Variants in CEP44 observed in about 807,000 individuals in gnomAD.
CEP44 encodes centrosomal protein of 44 kDa.
In CEP44, 45 loss-of-function variants were observed where a neutral mutation model predicts 46.7. The observed-to-expected ratio is 0.96, with a 90% CI of 0.76 to 1.24. The LOEUF is 1.24. Among genes scored for constraint, CEP44 ranks in the 50% most tolerant of loss-of-function variants. The pLI, the probability that CEP44 is intolerant of heterozygous loss-of-function variation, is 0.00. For synonymous variants in CEP44, 142 were observed against 146.0 expected, an observed-to-expected ratio of 0.97 and a Z score of 0.20; for missense variants, 475 against 459.7, an observed-to-expected ratio of 1.03 and a Z score of -0.30.
In CEP44 at chr4:174,287,479, G is replaced by A. The variant is rs563934790; in HGVS notation, c.-148+3536G>A. On this transcript the variant is annotated intron_variant, in intron 1 of 11. Coordinates refer to ENST00000503780, the MANE Select transcript of CEP44 (RefSeq NM_001040157.3). This position sits in a 1 kb window ranked among gnomAD's most constrained non-coding sequence, Gnocchi z 5.1. ...TGTATCTCTTCAAGCTTGAAGAAAT[G>A]GCATGTGCAAAGGTGTTGAACAGCT... Among the ~76,000 whole-genome samples the A allele has an allele frequency of 1.3e-3, 192 of 152,218 alleles. No homozygotes were observed. Among genetic ancestry groups the A allele is most frequent in the Admixed American group, 2.4e-3 (36 of 15,292 alleles).
At chr4:174,323,271 T>C (rs1156292895), downstream of CEP44, among the ~76,000 whole-genome samples, 1 of 152,156 alleles carries the variant, frequency 6.6e-6, no homozygotes, top group Non-Finnish European at 1.5e-5. Context: ...CCTGAGAGAT[T>C]GTTGATATTA....
chr4:174,296,670 T>C (rs1739056363), intron 1 of CEP44, among the ~76,000 whole-genome samples: 1 of 152,044 alleles, frequency 6.6e-6, no homozygotes, highest in African/African-American at 2.4e-5. Context: ...CCATGTGAAA[T>C]TGAGAAGAAT....
At chr4:174,285,669 A>G (rs911080811) in intron 1 of CEP44, 1 of 152,236 alleles carries the variant, frequency 6.6e-6, no homozygotes, top group African/African-American at 2.4e-5. Context: ...GTCTGGAAAG[A>G]CATAGAATTT....
intron 6 of CEP44, among the ~76,000 whole-genome samples, chr4:174,308,272 C>T (rs957070135): frequency 1.3e-5 from 2 of 152,134 alleles, no homozygotes; most frequent in Non-Finnish European, 2.9e-5. Context: ...GTGGTACATA[C>T]ACACTATGGA....
At chr4:174,294,363 G>A (rs1228416920) in intron 1 of CEP44, among the ~76,000 whole-genome samples, 8 of 151,990 alleles carry the variant, frequency 5.3e-5, no homozygotes, top group Non-Finnish European at 1.0e-4. Context: ...GTTGGGGGTA[G>A]GGTCACCGAT....
In CEP44 at chr4:174,284,761, A is replaced by G. The variant is rs569022612; in HGVS notation, c.-148+818A>G. ...CTCAGACCTTTCTCCTATCTCTTAG[A>G]GAAGTATTTCCCTAATATCTTTTGC... On this transcript the variant is annotated intron_variant, in intron 1 of 11. Coordinates refer to ENST00000503780, the MANE Select transcript of CEP44 (RefSeq NM_001040157.3). 4.6e-5 allele frequency among the ~76,000 whole-genome samples: 7 copies of G among 152,268 alleles called. No homozygotes were observed. The South Asian group carries it at 1.5e-3, about 32-fold the overall frequency.
downstream of CEP44, among the ~76,000 whole-genome samples, chr4:174,323,873 AAAAC>A (rs1388671289): frequency 4.6e-5 from 7 of 152,146 alleles, no homozygotes; most frequent in East Asian, 1.9e-4. Flanking sequence ...AATTTCCTGA[AAAAC>A]AAGCAACTAT....
At position 174,326,454 on chromosome 4, in the gene CEP44, TCAAA is replaced by T. The variant is rs1742676760; in HGVS notation, c.1087-5025_1087-5022del. 6.6e-6 allele frequency among the ~76,000 whole-genome samples: 1 copy of T among 152,078 alleles called. No homozygotes were observed. The highest frequency in any genetic ancestry group is 2.1e-4 in the South Asian group (1 of 4,838). Reference sequence around the variant, plus strand: ...TCTGCGCCCGCCAAGCCTTTTTTTGTCAAACATTGACTTCTACATATGTTATAAA... The same window carrying T: ...TCTGCGCCCGCCAAGCCTTTTTTTGTCATTGACTTCTACATATGTTATAAA... On this transcript the variant is annotated intron_variant, in intron 8 of 8. Transcript: ENST00000426172. This position sits in a 1 kb window ranked among gnomAD's most constrained non-coding sequence, Gnocchi z 4.8.
intron 1 of CEP44, among the ~76,000 whole-genome samples, chr4:174,291,351 T>G (rs13122347): frequency 0.18 from 26,976 of 151,992 alleles, 2,936 homozygotes; most frequent in East Asian, 0.58. Flanking sequence ...TATGTAGTCA[T>G]AGCAGGCTTT....
chr4:174,315,510 G>A, intron 9 of CEP44, among the ~76,000 whole-genome samples: 1 of 151,822 alleles, frequency 6.6e-6, no homozygotes, highest in Non-Finnish European at 1.5e-5. Context: ...AGATATATAT[G>A]GTCAGTTATA....
downstream of CEP44, among the ~76,000 whole-genome samples, chr4:174,323,758 G>A (rs1742477093): frequency 6.6e-6 from 1 of 152,076 alleles, no homozygotes; most frequent in African/African-American, 2.4e-5. Context: ...ACAATCTGAG[G>A]GTGGAGTTTT....
chr4:174,285,264 A>G (rs1359102967), intron 1 of CEP44, among the ~76,000 whole-genome samples: 2 of 152,238 alleles, frequency 1.3e-5, no homozygotes, highest in African/African-American at 4.8e-5. Flanking sequence ...GTACATAAGT[A>G]ATAGATTGGC....
Position 174,297,427 on chromosome 4 carries a change from GA to G in CEP44, c.-147-532del, listed in dbSNP as rs1739167069. Among the ~76,000 whole-genome samples, 2 of 151,992 alleles carry G rather than the reference GA, an allele frequency of 1.3e-5. No homozygotes were observed. The highest frequency in any genetic ancestry group is 1.9e-4 in the East Asian group (1 of 5,192). ...TTCAGTTTTAAACATGAGTCTCTAA[GA>G]AAAAAAGGTGCCTGGTTAGGGCTTA... On this transcript the variant is annotated intron_variant, in intron 1 of 11. Coordinates refer to ENST00000503780, the MANE Select transcript of CEP44 (RefSeq NM_001040157.3). The surrounding 1 kb of genome is among the most constrained non-coding windows in gnomAD (Gnocchi z 4.3).
chr4:174,315,615 C>T (rs565769348), intron 9 of CEP44, among the ~76,000 whole-genome samples: 1 of 152,030 alleles, frequency 6.6e-6, no homozygotes, highest in African/African-American at 2.4e-5. Context: ...TTCATGGATA[C>T]TAATTATTTA....
Position 174,291,787 on chromosome 4 carries a change from C to CTTTTTTTTTTTTT in CEP44, c.-147-6166_-147-6154dup, listed in dbSNP as rs56201469. Among the ~76,000 whole-genome samples, 97 of 46,410 alleles carry CTTTTTTTTTTTTT rather than the reference C, an allele frequency of 2.1e-3. 6 individuals carry two copies. Among genetic ancestry groups the CTTTTTTTTTTTTT allele is most frequent in the South Asian group, 3.9e-3 (3 of 760 alleles). The allele number at this position is 46,410 out of a possible 152,430, so 30.4% of individuals were successfully genotyped here. ...CTTTATTCTTTTATCTTTTTCTTTT[C>CTTTTTTTTTTTTT]TTTTTTTTTTTTTTTTTTTTTTTTT... is the stretch of plus-strand genomic sequence containing the variant. On this transcript the variant is annotated intron_variant, in intron 1 of 11. Transcript: ENST00000503780.
At chr4:174,294,410 C>A (rs545146653) in intron 1 of CEP44, among the ~76,000 whole-genome samples, 1 of 151,916 alleles carries the variant, frequency 6.6e-6, no homozygotes, top group African/African-American at 2.4e-5. Context: ...TTTCTTAGTA[C>A]AGAACAAAAT....
intron 1 of CEP44, among the ~76,000 whole-genome samples, chr4:174,295,755 GCTCCATATATC>G (rs1216293409): frequency 6.6e-6 from 1 of 152,220 alleles, no homozygotes; most frequent in African/African-American, 2.4e-5. Flanking sequence ...GGAGGCCGAG[GCTCCATATATC>G]CTCTTTAGTG....
chr4:174,287,062 C>A lies in CEP44; in HGVS notation c.-148+3119C>A, dbSNP rs1055055240. ...CAGGAGTTTGGGACCGATGACAGTGCAAAACATCTTGACTGACAATGGTGG... is the reference window on the plus strand; with the variant it reads ...CAGGAGTTTGGGACCGATGACAGTGAAAAACATCTTGACTGACAATGGTGG... On this transcript the variant is annotated intron_variant, in intron 1 of 11. Transcript: ENST00000503780. This position sits in a 1 kb window ranked among gnomAD's most constrained non-coding sequence, Gnocchi z 5.1. Among the ~76,000 whole-genome samples the A allele has an allele frequency of 4.6e-5, 7 of 152,126 alleles. No homozygotes were observed. Among genetic ancestry groups the A allele is most frequent in the African/African-American group, 1.7e-4 (7 of 41,422 alleles).
rs191523632 is a variant in CEP44 at position 174,297,160 on chromosome 4, A to C, written c.-147-806A>C. Among the ~76,000 whole-genome samples the C allele has an allele frequency of 6.6e-6, 1 of 152,240 alleles. No individual in the cohort carries two copies. The highest frequency in any genetic ancestry group is 2.4e-5 in the African/African-American group (1 of 41,558). On this transcript the variant is annotated intron_variant, in intron 1 of 11. Coordinates refer to ENST00000503780, the MANE Select transcript of CEP44 (RefSeq NM_001040157.3). The surrounding 1 kb of genome is among the most constrained non-coding windows in gnomAD (Gnocchi z 4.3). ...GATCTTATTTTTGATCCACTTTAACAATCTCTGGCTCATTTTACATTCTCA... is the reference window on the plus strand; with the variant it reads ...GATCTTATTTTTGATCCACTTTAACCATCTCTGGCTCATTTTACATTCTCA...
Sources: gnomAD v4.1 joint callset for allele counts (sites outside exome capture counted in the v4.1 genomes callset) on GRCh38, gnomAD v4.1.1 for gene constraint, Gnocchi (gnomAD v3.1) non-coding constraint, MANE v1.5 for transcripts, NCBI Gene and HGNC (gene_info 2026-07-23, HGNC 2026-07-21) for gene names.